Variants in GMDS observed in about 807,000 individuals in gnomAD.
The protein encoded by GMDS is GDP-mannose 4,6-dehydratase.
In GMDS, 20 loss-of-function variants were observed where a neutral mutation model predicts 49.9. The ratio of observed to expected loss-of-function variants is 0.40; its 90% CI spans 0.28 to 0.58. The LOEUF (loss-of-function observed/expected upper bound fraction) is 0.58, where lower values mean the gene tolerates loss of function less well. Among genes scored for constraint, GMDS ranks in the 20% least tolerant of loss-of-function variants. The probability of loss-of-function intolerance (pLI) is 0.42; values close to 1 mark genes in which losing one functional copy is unlikely to be tolerated. For synonymous variants in GMDS, 177 were observed against 178.6 expected, an observed-to-expected ratio of 0.99 and a Z score of 0.07; for missense variants, 362 against 481.4, an observed-to-expected ratio of 0.75 and a Z score of 2.32.
rs143685482 is a variant in GMDS, at chr6:1,722,942, C to G, written c.987+3474G>C. Among the ~76,000 whole-genome samples the G allele has an allele frequency of 2.2e-3, 342 of 152,284 alleles. 5 individuals carry two copies. The East Asian group carries it at 0.045, about 20-fold the overall frequency. On this transcript the variant is annotated intron_variant, in intron 9 of 10. Coordinates refer to ENST00000380815, the MANE Select transcript of GMDS (RefSeq NM_001500.4). Reference sequence around the variant, plus strand: ...TTAAAGTCTAATTTCCAGGATCAGGCTCTCTGTGGTAACAAACCCCTGTAG... The same window carrying G: ...TTAAAGTCTAATTTCCAGGATCAGGGTCTCTGTGGTAACAAACCCCTGTAG...
chr6:1,752,100 C>T (rs117163823), intron 7 of GMDS, among the ~76,000 whole-genome samples: 5,351 of 152,222 alleles, frequency 0.035, 210 homozygotes, highest in East Asian at 0.15. Context: ...GCAACAGGAG[C>T]ATGTTCTAAC....
intron 4 of GMDS, among the ~76,000 whole-genome samples, chr6:1,970,189 A>G (rs755552142): frequency 4.6e-5 from 7 of 152,236 alleles, no homozygotes; most frequent in Non-Finnish European, 1.0e-4. Flanking sequence ...TTCCTCTAAC[A>G]TTTGATTTCA....
chr6:1,624,600 C>T, intron 9 of GMDS, 60 bp from the exon 10 acceptor site: 3 of 1,216,630 alleles, frequency 2.5e-6, no homozygotes, highest in Non-Finnish European at 3.6e-6. Flanking sequence ...GGCAGCAGGT[C>T]CCGAGCCCCG....
At chr6:2,196,236 C>T (rs1228471505) in intron 1 of GMDS, among the ~76,000 whole-genome samples, 3 of 152,222 alleles carry the variant, frequency 2.0e-5, no homozygotes, top group Admixed American at 2.0e-4. Flanking sequence ...AGGACTAAAA[C>T]ACGCAGATGC....
At chr6:2,086,100 G>C (rs933294638) in intron 4 of GMDS, among the ~76,000 whole-genome samples, 3 of 152,116 alleles carry the variant, frequency 2.0e-5, no homozygotes, top group African/African-American at 7.2e-5. Flanking sequence ...TTGATTGTTT[G>C]CTCCACATGA....
intron 1 of GMDS, among the ~76,000 whole-genome samples, chr6:2,172,062 A>T (rs892650446): frequency 6.6e-6 from 1 of 152,200 alleles, no homozygotes; most frequent in Non-Finnish European, 1.5e-5. Context: ...AACAAAAAGC[A>T]GACCTCCCAA....
intron 8 of GMDS, among the ~76,000 whole-genome samples, chr6:1,732,998 C>T (rs1338369981): frequency 6.6e-6 from 1 of 152,240 alleles, no homozygotes; most frequent in Non-Finnish European, 1.5e-5. Context: ...AGATGGGCCT[C>T]AGCACACCCC....
At chr6:2,071,282 T>A (rs1771979042) in intron 4 of GMDS, among the ~76,000 whole-genome samples, 1 of 152,228 alleles carries the variant, frequency 6.6e-6, no homozygotes. Flanking sequence ...TTCAGCTGTC[T>A]TTATTTTTCT....
intron 8 of GMDS, among the ~76,000 whole-genome samples, chr6:1,735,037 A>C (rs1766954654): frequency 6.6e-6 from 1 of 152,176 alleles, no homozygotes; most frequent in East Asian, 1.9e-4. Context: ...TATTTACCCA[A>C]CTGGGGCATA....
At chr6:1,843,456 C>T (rs549827791) in intron 7 of GMDS, among the ~76,000 whole-genome samples, 2 of 152,256 alleles carry the variant, frequency 1.3e-5, no homozygotes, top group East Asian at 3.9e-4. Context: ...GACCAGAGCC[C>T]TATAGGGTCT....
At chr6:1,963,414 T>C (rs1054433367) in intron 4 of GMDS, among the ~76,000 whole-genome samples, 1 of 152,206 alleles carries the variant, frequency 6.6e-6, no homozygotes, top group African/African-American at 2.4e-5. Context: ...ATCTACTTTT[T>C]CTTTTGTTGT....
chr6:2,205,778 G>T (rs6912735), intron 1 of GMDS, among the ~76,000 whole-genome samples: 88,827 of 151,146 alleles, frequency 0.59, 26,215 homozygotes, highest in African/African-American at 0.61. Flanking sequence ...TGTGTGTGTG[G>T]GGGGGGAGGG....
At chr6:1,625,249 A>C (rs1412882417) in intron 9 of GMDS, 1 of 152,258 alleles carries the variant, frequency 6.6e-6, no homozygotes, top group Non-Finnish European at 1.5e-5. Context: ...ACGCGTTCAT[A>C]AAACGAAACT....
At chr6:1,860,127 A>T (rs116774210) in intron 7 of GMDS, among the ~76,000 whole-genome samples, 109 of 152,324 alleles carry the variant, frequency 7.2e-4, no homozygotes, top group African/African-American at 2.5e-3. Flanking sequence ...ACAAGAATTA[A>T]AAATTAACCA....
intron 7 of GMDS, among the ~76,000 whole-genome samples, chr6:1,780,249 A>G (rs984813249): frequency 1.3e-5 from 2 of 152,176 alleles, no homozygotes; most frequent in Admixed American, 1.3e-4. Flanking sequence ...GCAATGTGTG[A>G]CTTCAGGCAA....
At chr6:2,193,007 C>G (rs1465967765) in intron 1 of GMDS, among the ~76,000 whole-genome samples, 1 of 152,204 alleles carries the variant, frequency 6.6e-6, no homozygotes, top group Non-Finnish European at 1.5e-5. Flanking sequence ...TAACCATTGG[C>G]TCTGATAGCC....
At chr6:1,663,476 C>A (rs1379932819) in intron 9 of GMDS, among the ~76,000 whole-genome samples, 1 of 152,208 alleles carries the variant, frequency 6.6e-6, no homozygotes, top group African/African-American at 2.4e-5. Flanking sequence ...CTCCCTTTTC[C>A]TTGCTTTTAT....
At chr6:1,992,673 C>T (rs1766026865) in intron 4 of GMDS, among the ~76,000 whole-genome samples, 1 of 152,048 alleles carries the variant, frequency 6.6e-6, no homozygotes, top group Non-Finnish European at 1.5e-5. Flanking sequence ...CCTTGGCCTA[C>T]AGGATTCATC....
At chr6:1,984,411 CA>C (rs1229922210) in intron 4 of GMDS, among the ~76,000 whole-genome samples, 2 of 151,926 alleles carry the variant, frequency 1.3e-5, no homozygotes, top group Non-Finnish European at 2.9e-5. Flanking sequence ...CCCCCGCCTC[CA>C]AAAACAAGAG....
Sources: allele counts gnomAD v4.1 joint callset (sites outside exome capture counted in the v4.1 genomes callset), GRCh38; gene constraint gnomAD v4.1.1; transcripts MANE v1.5; gene names NCBI Gene and HGNC (gene_info 2026-07-23, HGNC 2026-07-21).